EFTUD2: variants seen among roughly 807,000 people sequenced by gnomAD.
The protein encoded by EFTUD2 is 116 kDa U5 small nuclear ribonucleoprotein component.
In EFTUD2, 9 loss-of-function variants were observed where a neutral mutation model predicts 114.3. The observed-to-expected ratio is 0.08, with a 90% confidence interval of 0.05 to 0.14. The LOEUF is 0.14. Among genes scored for constraint, EFTUD2 ranks in the 10% least tolerant of loss-of-function variants. The probability of loss-of-function intolerance (pLI) is 1.00; values close to 1 mark genes in which losing one functional copy is unlikely to be tolerated. For missense variants in EFTUD2, 765 were observed against 1,241.2 expected, an observed-to-expected ratio of 0.62 and a Z score of 5.76; for synonymous variants, 449 against 462.3, an observed-to-expected ratio of 0.97 and a Z score of 0.37.
intron 16 of EFTUD2, among the ~76,000 whole-genome samples, 171 bp downstream of exon 16, chr17:44,862,542 C>T (rs1333774152): frequency 6.6e-6 from 1 of 152,198 alleles, no homozygotes; most frequent in Non-Finnish European, 1.5e-5. Flanking sequence ...CCCCAGCAAA[C>T]CTGGGACAGG....
intron 20 of EFTUD2, among the ~76,000 whole-genome samples, chr17:44,855,300 C>A (rs987075917): frequency 6.6e-6 from 1 of 152,168 alleles, no homozygotes; most frequent in Non-Finnish European, 1.5e-5. Flanking sequence ...CGGTGGCTCA[C>A]CCCTGTAATC....
chr17:44,872,648 CG>C, intron 10 of EFTUD2, 78 bp from the exon 11 acceptor site: 1 of 1,477,582 alleles, frequency 6.8e-7, no homozygotes, highest in South Asian at 1.3e-5. Context: ...GGCAGGAACT[CG>C]GTATCACAGC....
intron 2 of EFTUD2, 27 bp downstream of exon 2, chr17:44,894,390 G>A (rs2051339058): frequency 6.6e-7 from 1 of 1,526,242 alleles, no homozygotes; most frequent in Non-Finnish European, 9.1e-7. Flanking sequence ...ATAAGAGTGA[G>A]ATAAAAGAGC....
chr17:44,853,690 CCATGGCAGAGTAG>C (rs1348985983), intron 23 of EFTUD2, 55 bp from the exon 24 acceptor site: 3 of 1,599,524 alleles, frequency 1.9e-6, no homozygotes, highest in Non-Finnish European at 1.7e-6. Flanking sequence ...TGTCATGGGG[CCATGGCAGAGTAG>C]CAGTCTCCTG....
chr17:44,885,244 C>T lies in EFTUD2; in HGVS notation c.350+12G>A. 6.2e-7 allele frequency: 1 copy of T among 1,608,578 alleles called. No individual in the cohort carries two copies. The highest frequency in any genetic ancestry group is 8.5e-7 in the Non-Finnish European group (1 of 1,175,818). ...CATTCCTGCAGAGAAGCTGAGAAAC[C>T]TTGTAACTTACTCCATCTCATACAC... On this transcript the variant is annotated intron_variant, in intron 4 of 27. Coordinates refer to ENST00000426333, the MANE Select transcript of EFTUD2 (RefSeq NM_004247.4).
chr17:44,889,072 G>A (rs936814860), intron 2 of EFTUD2, among the ~76,000 whole-genome samples: 4 of 152,180 alleles, frequency 2.6e-5, no homozygotes, highest in Non-Finnish European at 4.4e-5. Context: ...AGGCTGAGAA[G>A]GGATGGTCAG....
At chr17:44,889,835 C>A (rs1436366283) in intron 2 of EFTUD2, among the ~76,000 whole-genome samples, 1 of 152,140 alleles carries the variant, frequency 6.6e-6, no homozygotes, top group Non-Finnish European at 1.5e-5. Flanking sequence ...AGCTATCAAG[C>A]CAGTTTTCTC....
At position 44,897,767 on chromosome 17, in the gene EFTUD2, T is replaced by C. The variant is rs143610753; in HGVS notation, c.-5+1602A>G. Among the ~76,000 whole-genome samples the C allele has an allele frequency of 7.9e-3, 1,202 of 152,296 alleles. 24 individuals are homozygous for C. Among genetic ancestry groups the C allele is most frequent in the African/African-American group, 0.026 (1,098 of 41,558 alleles). ...TTTAGTAGAGACGGGGTTTCAACCATGTTGGCCAGGCAGTCTCGAACTCTT... is the reference window on the plus strand; with the variant it reads ...TTTAGTAGAGACGGGGTTTCAACCACGTTGGCCAGGCAGTCTCGAACTCTT... On this transcript the variant is annotated intron_variant, in intron 1 of 27. Transcript: ENST00000426333.
At chr17:44,851,670 G>C in intron 27 of EFTUD2, 40 bp downstream of exon 27, 1 of 1,510,766 alleles carries the variant, frequency 6.6e-7, no homozygotes, top group Non-Finnish European at 8.9e-7. Context: ...TGAGAGTCCT[G>C]GGGGGTTGAG....
Position 44,863,655 on chromosome 17 carries a change from A to G in EFTUD2, c.1413T>C (p.Asp471=), listed in dbSNP as rs144538762. 1.2e-6 allele frequency: 2 copies of G among 1,613,114 alleles called. No individual in the cohort carries two copies. The highest frequency in any genetic ancestry group is 1.7e-6 in the Non-Finnish European group (2 of 1,179,434). ...GAACCGGGGAGCCACATGCCCTTAC[A>G]TCAGGGTCACAGTCACTCATAGCCT... ...LGEAMSDCDP[D]GPLMCHTTKM... is the part of the protein sequence containing the mutation. The change falls in exon 15 of 28, where the codon GAT becomes GAC. Residue 471 remains aspartate, a splice_region_variant and synonymous_variant. Coordinates refer to ENST00000426333, the MANE Select transcript of EFTUD2 (RefSeq NM_004247.4).
At chr17:44,868,481 T>A in intron 11 of EFTUD2, 131 bp from the exon 12 acceptor site, 1 of 786,160 alleles carries the variant, frequency 1.3e-6, no homozygotes, top group Non-Finnish European at 2.0e-6. Context: ...CAGTTCCTTC[T>A]AACCAGAGAG....
At chr17:44,876,205 A>T in intron 9 of EFTUD2, 105 bp from the exon 10 acceptor site, 1 of 1,332,422 alleles carries the variant, frequency 7.5e-7, no homozygotes, top group Non-Finnish European at 1.0e-6. Flanking sequence ...CCTGGGGAGA[A>T]AAAAAGACCT....
At chr17:44,890,733 T>A (rs67419793) in intron 2 of EFTUD2, among the ~76,000 whole-genome samples, 19 of 152,052 alleles carry the variant, frequency 1.2e-4, no homozygotes, top group Non-Finnish European at 2.1e-4. Context: ...TCTTGTGGAC[T>A]AGGAGGCTAT....
At chr17:44,886,513 A>C in intron 3 of EFTUD2, 72 bp downstream of exon 3, 2 of 1,566,206 alleles carry the variant, frequency 1.3e-6, no homozygotes, top group Non-Finnish European at 1.7e-6. Context: ...CTGAACTTTT[A>C]AGGTTTGCTG....
At chr17:44,869,262 A>G (rs1171625945) in intron 11 of EFTUD2, among the ~76,000 whole-genome samples, 2 of 152,134 alleles carry the variant, frequency 1.3e-5, no homozygotes, top group Non-Finnish European at 2.9e-5. Context: ...CTGAATGTTT[A>G]TGCCCTCTGT....
At chr17:44,885,136 T>G in intron 4 of EFTUD2, 120 bp downstream of exon 4, 1 of 732,174 alleles carries the variant, frequency 1.4e-6, no homozygotes, top group Non-Finnish European at 2.4e-6. Context: ...TGAAGGAGAA[T>G]TTGAGAGCTA....
chr17:44,850,607 G>T lies in EFTUD2; in HGVS notation c.*667C>A, dbSNP rs985222235. 3 of 493,218 alleles carry T rather than the reference G, an allele frequency of 6.1e-6. No individual in the cohort carries two copies. Among genetic ancestry groups the T allele is most frequent in the African/African-American group, 5.7e-5 (3 of 52,216 alleles). 30.6% of individuals were successfully genotyped at this position (493,218 alleles called of 1,614,324 possible). On this transcript the variant is annotated 3_prime_UTR_variant, in exon 28 of 28. Coordinates refer to ENST00000426333, the MANE Select transcript of EFTUD2 (RefSeq NM_004247.4). ...CTCCAGGGCAAGGAAGATTCTTAGG[G>T]GAGGCAGCAGTTTCCTGAGGAGGTG...
chr17:44,866,052 T>C (rs974064220), intron 13 of EFTUD2, among the ~76,000 whole-genome samples: 1 of 152,184 alleles, frequency 6.6e-6, no homozygotes, highest in Non-Finnish European at 1.5e-5. Context: ...TCAAGCGATC[T>C]GCCCACTGGG....
Position 44,854,212 on chromosome 17 carries a change from T to G in EFTUD2, c.2347+57A>C. On this transcript the variant is annotated intron_variant, in intron 23 of 27. Transcript: ENST00000426333. The surrounding 1 kb of genome is among the most constrained non-coding windows in gnomAD (Gnocchi z 4.3). ...AAAGATGGTGAGCCCATCCCACTCA[T>G]ATGCCTGGCTGCAAGGACCCTCGAG... is the stretch of plus-strand genomic sequence containing the variant. 6.5e-7 allele frequency: 1 copy of G among 1,547,262 alleles called. No homozygotes were observed. Among genetic ancestry groups the G allele is most frequent in the East Asian group, 2.3e-5 (1 of 44,420 alleles).
Sources: allele counts gnomAD v4.1 joint callset (sites outside exome capture counted in the v4.1 genomes callset), GRCh38; gene constraint gnomAD v4.1.1; non-coding constraint Gnocchi (gnomAD v3.1); transcripts MANE v1.5; gene names NCBI Gene and HGNC (gene_info 2026-07-23, HGNC 2026-07-21).